Variants in MAGI2 observed in about 807,000 individuals in gnomAD.
MAGI2 encodes membrane-associated guanylate kinase, WW and PDZ domain-containing protein 2.
Under a neutral mutation model 133.3 loss-of-function variants are expected in MAGI2, and 35 were observed. That is an observed-to-expected ratio of 0.26 (90% CI 0.20 to 0.35). The LOEUF is 0.35. Among genes scored for constraint, MAGI2 ranks in the 10% least tolerant of loss-of-function variants. The pLI is 1.00. For missense variants in MAGI2, 1,636 were observed against 1,863.4 expected, an observed-to-expected ratio of 0.88 and a Z score of 2.25; for synonymous variants, 729 against 710.6, an observed-to-expected ratio of 1.03 and a Z score of -0.41.
At chr7:78,514,720 AGTGACAGG>A (rs987133012) in intron 4 of MAGI2, among the ~76,000 whole-genome samples, 16 of 152,212 alleles carry the variant, frequency 1.1e-4, no homozygotes, top group Non-Finnish European at 2.1e-4. Flanking sequence ...TTCTTCTGAC[AGTGACAGG>A]GTCTCATTCA....
At chr7:79,125,460 T>C in intron 1 of MAGI2, 1 of 504,680 alleles carries the variant, frequency 2.0e-6, no homozygotes, top group Non-Finnish European at 4.0e-6. Flanking sequence ...GTAGTTATGT[T>C]GGAGGCAGTC....
At chr7:78,992,968 C>A (rs1805934313) in intron 2 of MAGI2, among the ~76,000 whole-genome samples, 1 of 151,926 alleles carries the variant, frequency 6.6e-6, no homozygotes, top group Non-Finnish European at 1.5e-5. Context: ...GTTCTGAAAG[C>A]AATTTTTGTC....
At chr7:78,072,760 A>T in intron 21 of MAGI2, 1 of 396,436 alleles carries the variant, frequency 2.5e-6, no homozygotes, top group Non-Finnish European at 4.4e-6. Context: ...GGCTCATTGC[A>T]TTCTCAACTT....
intron 1 of MAGI2, among the ~76,000 whole-genome samples, chr7:79,363,202 G>A (rs568208091): frequency 4.7e-5 from 7 of 149,164 alleles, no homozygotes; most frequent in Admixed American, 2.7e-4. Context: ...CAATCACTTC[G>A]AATAAAATGA....
chr7:78,209,084 T>C (rs1259301847), intron 10 of MAGI2, among the ~76,000 whole-genome samples: 4 of 134,916 alleles, frequency 3.0e-5, no homozygotes, highest in East Asian at 2.3e-4. Flanking sequence ...TAGCCGGGCG[T>C]GGTGGCGGGC....
At chr7:78,958,519 T>G (rs1802586507) in intron 2 of MAGI2, among the ~76,000 whole-genome samples, 1 of 152,178 alleles carries the variant, frequency 6.6e-6, no homozygotes, top group Non-Finnish European at 1.5e-5. Flanking sequence ...GAAAATTATT[T>G]TTAGACATTA....
At chr7:79,377,578 G>A (rs1843463517) in intron 1 of MAGI2, among the ~76,000 whole-genome samples, 1 of 151,774 alleles carries the variant, frequency 6.6e-6, no homozygotes, top group Non-Finnish European at 1.5e-5. Context: ...TGCCAAAACA[G>A]CAGTTACATG....
At chr7:78,945,798 C>T (rs1186222813) in intron 2 of MAGI2, among the ~76,000 whole-genome samples, 2 of 152,164 alleles carry the variant, frequency 1.3e-5, no homozygotes, top group African/African-American at 2.4e-5. Context: ...CACAGGATAC[C>T]TACTCCTTGG....
At chr7:78,582,649 T>C (rs1315390847) in intron 3 of MAGI2, among the ~76,000 whole-genome samples, 1 of 152,222 alleles carries the variant, frequency 6.6e-6, no homozygotes, top group East Asian at 1.9e-4. Flanking sequence ...AGCACCTGCA[T>C]TTGACTGTTG....
At chr7:79,307,485 T>C (rs2129560283) in intron 1 of MAGI2, among the ~76,000 whole-genome samples, 1 of 152,296 alleles carries the variant, frequency 6.6e-6, no homozygotes, top group East Asian at 1.9e-4. Flanking sequence ...AGAAAATTGC[T>C]GTCTGGCAGG....
At chr7:79,104,528 G>A (rs1025719050) in intron 1 of MAGI2, among the ~76,000 whole-genome samples, 42 of 151,954 alleles carry the variant, frequency 2.8e-4, no homozygotes, top group African/African-American at 8.7e-4. Context: ...TTAGCTGGGC[G>A]TGGTGGGACG....
intron 1 of MAGI2, among the ~76,000 whole-genome samples, chr7:79,295,167 A>G (rs1490438578): frequency 6.6e-6 from 1 of 152,192 alleles, no homozygotes; most frequent in East Asian, 1.9e-4. Context: ...AAAATTTTAA[A>G]ATTTAAAACA....
At chr7:79,103,279 A>C (rs10953767) in intron 1 of MAGI2, among the ~76,000 whole-genome samples, 117,208 of 151,704 alleles carry the variant, frequency 0.77, 46,132 homozygotes, top group Non-Finnish European at 0.85. Context: ...ATCCAACTAG[A>C]GGCATCTCTT....
intron 5 of MAGI2, among the ~76,000 whole-genome samples, chr7:78,494,491 T>C (rs1265813235): frequency 6.6e-6 from 1 of 152,202 alleles, no homozygotes; most frequent in Non-Finnish European, 1.5e-5. Flanking sequence ...CAGTTTTTCA[T>C]TCACTCTAGT....
chr7:79,423,263 T>G (rs1163956567), intron 1 of MAGI2, among the ~76,000 whole-genome samples: 1 of 152,098 alleles, frequency 6.6e-6, no homozygotes, highest in Non-Finnish European at 1.5e-5. Context: ...ATTATCATTT[T>G]AATCTTCAAC....
chr7:78,996,895 G>C (rs534304587), intron 2 of MAGI2, among the ~76,000 whole-genome samples: 1 of 152,254 alleles, frequency 6.6e-6, no homozygotes, highest in South Asian at 2.1e-4. Flanking sequence ...GTGGTGTAAA[G>C]CTGTTCAAAA....
In MAGI2 at chr7:78,869,066, T is replaced by C. The variant is rs1164387976; in HGVS notation, c.418+138024A>G. 3.9e-5 allele frequency among the ~76,000 whole-genome samples: 6 copies of C among 152,294 alleles called. No homozygotes were observed. The South Asian group carries it at 8.3e-4, about 21-fold the overall frequency. On this transcript the variant is annotated intron_variant, in intron 2 of 21. Coordinates refer to ENST00000354212, the MANE Select transcript of MAGI2 (RefSeq NM_012301.4). Reference sequence around the variant, plus strand: ...CCATGCCCAGCCCCAATACATACATTTTTAAAGGATTAAGATTGTCATCAT... The same window carrying C: ...CCATGCCCAGCCCCAATACATACATCTTTAAAGGATTAAGATTGTCATCAT...
chr7:78,782,148 C>G (rs1015732746), intron 2 of MAGI2, among the ~76,000 whole-genome samples: 1 of 152,164 alleles, frequency 6.6e-6, no homozygotes, highest in African/African-American at 2.4e-5. Context: ...TGAGCTTCCT[C>G]CAACTCAGGA....
chr7:78,057,977 G>GTGTGTATATATATA (rs762943472), intron 21 of MAGI2, among the ~76,000 whole-genome samples: 1 of 106,612 alleles, frequency 9.4e-6, no homozygotes, highest in African/African-American at 3.4e-5. Context: ...ATATATATGT[G>GTGTGTATATATATA]TATATATATA....
Sources: gnomAD v4.1 joint callset for allele counts (sites outside exome capture counted in the v4.1 genomes callset) on GRCh38, gnomAD v4.1.1 for gene constraint, MANE v1.5 for transcripts, NCBI Gene and HGNC (gene_info 2026-07-23, HGNC 2026-07-21) for gene names.